Variants in DNAI4 observed in about 807,000 individuals in gnomAD.
The protein encoded by DNAI4 is WD repeat domain 78.
A neutral mutation model predicts 105.8 loss-of-function variants in DNAI4; 85 were observed. The observed-to-expected ratio is 0.80, with a 90% CI of 0.67 to 0.96. The LOEUF (loss-of-function observed/expected upper bound fraction) is 0.96, where lower values mean the gene tolerates loss of function less well. Ranked by LOEUF, DNAI4 falls within the 40% of genes least tolerant of loss-of-function variation. The pLI is 0.00. For synonymous variants in DNAI4, 352 were observed against 331.5 expected (o/e 1.06, Z -0.67); for missense variants, 1,014 against 1,005.6 (o/e 1.01, Z -0.11).
At chr1:66,837,310 A>G (rs1646045579) in intron 10 of DNAI4, among the ~76,000 whole-genome samples, 2 of 143,712 alleles carry the variant, frequency 1.4e-5, no homozygotes, top group Admixed American at 7.3e-5. Context: ...GTTTGCAGTG[A>G]GTCGAGATTG....
chr1:66,848,131 C>T, intron 7 of DNAI4: 1 of 449,030 alleles, frequency 2.2e-6, no homozygotes, highest in Non-Finnish European at 4.5e-6. Context: ...TGTCACTGAG[C>T]TAAAACCAAG....
chr1:66,840,524 C>T lies in DNAI4; in HGVS notation c.1439G>A (p.Cys480Tyr). ...CACATTGAGGCCTTTGGTTAAGTCA[C>T]AGGAAAAAGACCAAAGTCGTTCCAA... ...ANLERLWSFS[C>Y]DLTKGLNVSS... Residue 480 changes from cysteine (C) to tyrosine (Y), a missense_variant, in exon 9 of 17, where the codon TGT becomes TAT. Physicochemically the swap from Cys to Tyr is radical, Grantham distance 194 (BLOSUM62 -2). Coordinates refer to ENST00000371026, the MANE Select transcript of DNAI4 (RefSeq NM_024763.5). The T allele has an allele frequency of 6.2e-7, 1 of 1,614,192 alleles. No homozygotes were observed. The highest frequency in any genetic ancestry group is 1.1e-5 in the South Asian group (1 of 91,084).
At position 66,833,647 on chromosome 1, in the gene DNAI4, T is replaced by C. The variant is rs764264189; in HGVS notation, c.1951A>G (p.Lys651Glu). 6 of 1,613,450 alleles carry C rather than the reference T, an allele frequency of 3.7e-6. No homozygotes were observed. In the East Asian group the frequency reaches 1.3e-4, roughly 36 times the overall value. ...CGAGATATCAAAGCTTCATCTTTCTTTTCCTTTTCCCCTCCTTTTTTGTTA... is the reference window on the plus strand; with the variant it reads ...CGAGATATCAAAGCTTCATCTTTCTCTTCCTTTTCCCCTCCTTTTTTGTTA... ...ASNKKGGEKEKKDEALISRQA... is the reference protein window; with the variant it reads ...ASNKKGGEKEEKDEALISRQA... The change falls in exon 13 of 17, where the codon AAG becomes GAG. Residue 651 changes from lysine to glutamate, a missense_variant. Lys to Glu is a moderately conservative substitution (Grantham distance 56). Coordinates refer to ENST00000371026, the MANE Select transcript of DNAI4 (RefSeq NM_024763.5).
chr1:66,836,254 GAGAAAGAAAGAAAGAAAGAA>G (rs68091805), intron 10 of DNAI4, among the ~76,000 whole-genome samples: 6,357 of 98,790 alleles, frequency 0.064, 275 homozygotes, highest in East Asian at 0.091. Flanking sequence ...AAGAGAGAGA[GAGAAAGAAAGAAAGAAAGAA>G]AGAAAGAAAG....
chr1:66,903,342 T>C (rs1648978927), intron 2 of DNAI4, among the ~76,000 whole-genome samples: 1 of 152,206 alleles, frequency 6.6e-6, no homozygotes, highest in Non-Finnish European at 1.5e-5. Context: ...TGGAAATTCA[T>C]TGTTAGAAAT....
chr1:66,843,657 A>C (rs1297763016), intron 8 of DNAI4, among the ~76,000 whole-genome samples: 2 of 152,126 alleles, frequency 1.3e-5, no homozygotes, highest in Non-Finnish European at 2.9e-5. Flanking sequence ...TAGGAGTTTT[A>C]TAGTTTTGCA....
intron 13 of DNAI4, among the ~76,000 whole-genome samples, chr1:66,833,027 A>G (rs974664616): frequency 6.6e-6 from 1 of 152,128 alleles, no homozygotes; most frequent in Non-Finnish European, 1.5e-5. Context: ...CAAGGGGGGC[A>G]GGGAGAGGCA....
rs1200544285 is a variant in DNAI4, at chr1:66,893,003, A to AAGAG, written c.530+222_530+225dup. Among the ~76,000 whole-genome samples the AAGAG allele has an allele frequency of 8.7e-4, 97 of 112,004 alleles. 8 individuals are homozygous for AAGAG. The highest frequency in any genetic ancestry group is 2.9e-3 in the African/African-American group (78 of 27,358). 73.5% of individuals were successfully genotyped at this position (112,004 alleles called of 152,430 possible). On this transcript the variant is annotated intron_variant, in intron 3 of 16. Coordinates refer to ENST00000371026, the MANE Select transcript of DNAI4 (RefSeq NM_024763.5). Reference sequence around the variant, plus strand: ...AAAGAAAGAAAGAAAGAAAGAGAGAAAGAGAGAGAGGAAAGAAAGAAAGAA... The same window carrying AAGAG: ...AAAGAAAGAAAGAAAGAAAGAGAGAAAGAGAGAGAGAGAGGAAAGAAAGAAAGAA...
At chr1:66,850,267 C>T (rs2100543982) in intron 7 of DNAI4, among the ~76,000 whole-genome samples, 1 of 151,866 alleles carries the variant, frequency 6.6e-6, no homozygotes, top group East Asian at 1.9e-4. Context: ...AAAAGTGGCA[C>T]ACATTCTCTG....
intron 4 of DNAI4, among the ~76,000 whole-genome samples, chr1:66,880,271 G>A (rs1211348878): frequency 6.6e-6 from 1 of 152,212 alleles, no homozygotes; most frequent in Non-Finnish European, 1.5e-5. Flanking sequence ...TGCTGCTGTA[G>A]ACACCCGAAA....
chr1:66,893,055 G>GAAAGAAAGAAAGAAAGAAAGAAA (rs1226481232), intron 3 of DNAI4, among the ~76,000 whole-genome samples, 174 bp downstream of exon 3: 2 of 80,740 alleles, frequency 2.5e-5, no homozygotes, highest in African/African-American at 1.1e-4. Context: ...AAGAAAGAAA[G>GAAAGAAAGAAAGAAAGAAAGAAA]AGAGAGAGAG....
At chr1:66,870,135 A>G (rs1646810260) in intron 6 of DNAI4, among the ~76,000 whole-genome samples, 1 of 152,176 alleles carries the variant, frequency 6.6e-6, no homozygotes, top group Non-Finnish European at 1.5e-5. Flanking sequence ...CTGCATAATA[A>G]AGGCAATTAA....
At chr1:66,850,260 A>C (rs1010303949) in intron 7 of DNAI4, among the ~76,000 whole-genome samples, 1 of 152,186 alleles carries the variant, frequency 6.6e-6, no homozygotes, top group East Asian at 1.9e-4. Flanking sequence ...GCCAGAAAAA[A>C]GTGGCACACA....
rs200139129 is a variant in DNAI4 at position 66,855,634 on chromosome 1, GA to G, written c.1096+6512del. Among the ~76,000 whole-genome samples the G allele has an allele frequency of 3.6e-4, 55 of 152,218 alleles. 1 individual carries two copies. The East Asian group carries it at 9.3e-3, about 26-fold the overall frequency. On this transcript the variant is annotated intron_variant, in intron 7 of 16. Coordinates refer to ENST00000371026, the MANE Select transcript of DNAI4 (RefSeq NM_024763.5). ...CGAGATAAAGAGGGGCATTACATATGAAAAATGGGTCAATTCTCCAAGAAGA... is the reference window on the plus strand; with the variant it reads ...CGAGATAAAGAGGGGCATTACATATGAAAATGGGTCAATTCTCCAAGAAGA...
At chr1:66,845,136 A>C (rs1189038154) in intron 8 of DNAI4, among the ~76,000 whole-genome samples, 1 of 142,942 alleles carries the variant, frequency 7.0e-6, no homozygotes, top group African/African-American at 2.6e-5. Context: ...GGTTGCAGTG[A>C]GCCAAGATCG....
chr1:66,919,662 T>A (rs1650319179), intron 1 of DNAI4, among the ~76,000 whole-genome samples: 2 of 152,170 alleles, frequency 1.3e-5, no homozygotes, highest in Non-Finnish European at 2.9e-5. Context: ...TAGGAAGTAA[T>A]CTTTCTAAAA....
Position 66,868,005 on chromosome 1 carries a change from G to A in DNAI4, c.940+3365C>T, listed in dbSNP as rs1006280681. ...CATTCCTGTACAGATAATTTCATCA[G>A]GAATGAAGTCTGAATTGCATCAACT... On this transcript the variant is annotated intron_variant, in intron 6 of 16. Coordinates refer to ENST00000371026, the MANE Select transcript of DNAI4 (RefSeq NM_024763.5). Among the ~76,000 whole-genome samples, 12 of 152,180 alleles carry A rather than the reference G, an allele frequency of 7.9e-5. 2 individuals are homozygous for A. The highest frequency in any genetic ancestry group is 1.3e-4 in the Admixed American group (2 of 15,288).
intron 2 of DNAI4, among the ~76,000 whole-genome samples, chr1:66,896,252 T>C (rs2100793939): frequency 6.6e-6 from 1 of 152,378 alleles, no homozygotes; most frequent in Non-Finnish European, 1.5e-5. Flanking sequence ...TGGTAAAGTG[T>C]AATTTTTTAA....
intron 4 of DNAI4, among the ~76,000 whole-genome samples, chr1:66,881,546 T>C (rs761902642): frequency 2.0e-5 from 3 of 152,240 alleles, no homozygotes; most frequent in Non-Finnish European, 4.4e-5. Context: ...GTAGCCCCTT[T>C]GTTTTGGCCA....
Sources: gnomAD v4.1 joint callset for allele counts (sites outside exome capture counted in the v4.1 genomes callset) on GRCh38, gnomAD v4.1.1 for gene constraint, MANE v1.5 for transcripts, NCBI Gene and HGNC (gene_info 2026-07-23, HGNC 2026-07-21) for gene names.